Variants in HTR4 observed in about 807,000 individuals in gnomAD.
HTR4 encodes the protein 5-hydroxytryptamine receptor 4.
In HTR4, 16 loss-of-function variants were observed where a neutral mutation model predicts 36.8. The observed-to-expected ratio is 0.43, with a 90% CI of 0.29 to 0.66. HTR4 has a LOEUF of 0.66. Ranked by LOEUF, HTR4 falls within the 30% of genes least tolerant of loss-of-function variation. HTR4 has a pLI of 0.13. For missense variants in HTR4, 438 were observed against 490.9 expected (o/e 0.89, Z 1.02); for synonymous variants, 189 against 185.1 (o/e 1.02, Z -0.17).
At chr5:148,476,915 A>G (rs559214897), downstream of HTR4, among the ~76,000 whole-genome samples, 1 of 152,214 alleles carries the variant, frequency 6.6e-6, no homozygotes, top group Non-Finnish European at 1.5e-5. Flanking sequence ...TTTGAAATAC[A>G]CTATGTAAGA....
At chr5:148,547,562 A>AAAATAAACTAAAAT (rs1554094300) in intron 4 of HTR4, among the ~76,000 whole-genome samples, 1 of 138,922 alleles carries the variant, frequency 7.2e-6, no homozygotes, top group Non-Finnish European at 1.5e-5. Context: ...AAAATAAAAT[A>AAAATAAACTAAAAT]AAATAAATAA....
intron 5 of HTR4, among the ~76,000 whole-genome samples, chr5:148,512,609 G>A (rs1393655083): frequency 6.6e-6 from 1 of 152,098 alleles, no homozygotes; most frequent in African/African-American, 2.4e-5. Context: ...CTTGTATCTT[G>A]TTTATGAAAT....
downstream of HTR4, among the ~76,000 whole-genome samples, chr5:148,473,037 T>G (rs891326189): frequency 5.3e-5 from 8 of 152,134 alleles, no homozygotes; most frequent in Non-Finnish European, 1.0e-4. Context: ...CGGTGGCTTG[T>G]GCCTGTTATC....
exon 6 of HTR4, chr5:148,451,222 A>G: frequency 1.2e-6 from 2 of 1,613,950 alleles, no homozygotes; most frequent in Non-Finnish European, 1.7e-6. Flanking sequence ...GTCATTGTGT[A>G]TGGGCAGTTT....
chr5:148,544,275 CTTT>C (rs1561609087), intron 4 of HTR4, among the ~76,000 whole-genome samples: 1 of 150,862 alleles, frequency 6.6e-6, no homozygotes, highest in Non-Finnish European at 1.5e-5. Flanking sequence ...CTCTCTCTCT[CTTT>C]CTCTCTTTCT....
At chr5:148,574,111 C>G (rs969713008) in intron 2 of HTR4, among the ~76,000 whole-genome samples, 9 of 152,072 alleles carry the variant, frequency 5.9e-5, no homozygotes. Flanking sequence ...CACATTAACT[C>G]TCTCCCCAGC....
chr5:148,511,159 CCTT>C (rs1298940115), intron 5 of HTR4, among the ~76,000 whole-genome samples: 1 of 152,174 alleles, frequency 6.6e-6, no homozygotes, highest in Non-Finnish European at 1.5e-5. Context: ...AACCTTCCAT[CCTT>C]CTTCTTTTTT....
chr5:148,545,747 G>A (rs990366806), intron 4 of HTR4, among the ~76,000 whole-genome samples: 9 of 152,180 alleles, frequency 5.9e-5, no homozygotes, highest in Admixed American at 2.0e-4. Flanking sequence ...GGTTAGGAAG[G>A]GGGTGAAGGG....
chr5:148,620,981 G>A (rs4298245), intron 2 of HTR4, among the ~76,000 whole-genome samples: 151,644 of 152,358 alleles, frequency 1, 75,465 homozygotes, highest in East Asian at 1. Flanking sequence ...ACCTCCTCAC[G>A]TGTACACCCC....
At chr5:148,495,496 G>A (rs1254705431) in intron 6 of HTR4, among the ~76,000 whole-genome samples, 1 of 152,166 alleles carries the variant, frequency 6.6e-6, no homozygotes, top group Non-Finnish European at 1.5e-5. Flanking sequence ...TCATCCTCTT[G>A]TCAAGTCCTA....
At chr5:148,650,577 A>T (rs1014247044) in intron 1 of HTR4, among the ~76,000 whole-genome samples, 13 of 152,162 alleles carry the variant, frequency 8.5e-5, no homozygotes, top group East Asian at 1.9e-4. Flanking sequence ...GTTTTTTTTA[A>T]AAAAAATGGT....
intron 5 of HTR4, among the ~76,000 whole-genome samples, chr5:148,457,250 G>T (rs1273003903): frequency 6.6e-6 from 1 of 152,010 alleles, no homozygotes; most frequent in Non-Finnish European, 1.5e-5. Flanking sequence ...TAGATGAGTG[G>T]GTATACCTGG....
intron 5 of HTR4, among the ~76,000 whole-genome samples, chr5:148,461,692 C>A (rs921590905): frequency 7.2e-5 from 11 of 151,946 alleles, no homozygotes; most frequent in African/African-American, 2.7e-4. Context: ...ACTTCTCTAT[C>A]ATAAATGAAC....
At chr5:148,483,754 A>G (rs929794434) in intron 6 of HTR4, among the ~76,000 whole-genome samples, 4 of 152,170 alleles carry the variant, frequency 2.6e-5, no homozygotes, top group Non-Finnish European at 5.9e-5. Context: ...CCTGACTTAC[A>G]TCATGTGCTT....
chr5:148,590,573 G>T (rs1313401451), intron 2 of HTR4, among the ~76,000 whole-genome samples: 2 of 151,766 alleles, frequency 1.3e-5, no homozygotes, highest in Admixed American at 6.6e-5. Context: ...AATTTTTGGG[G>T]TATATCACTT....
At chr5:148,570,949 C>T (rs1450590423) in intron 2 of HTR4, among the ~76,000 whole-genome samples, 1 of 151,968 alleles carries the variant, frequency 6.6e-6, no homozygotes, top group African/African-American at 2.4e-5. Context: ...GTGGAAGTGG[C>T]ACCATCTCCT....
chr5:148,633,763 G>C (rs1753418404), intron 2 of HTR4, among the ~76,000 whole-genome samples: 1 of 152,078 alleles, frequency 6.6e-6, no homozygotes, highest in Admixed American at 6.6e-5. Context: ...TTATTTTATA[G>C]TAAAGAAATA....
chr5:148,572,829 T>G lies in HTR4; in HGVS notation c.27-22567A>C, dbSNP rs114029152. Among the ~76,000 whole-genome samples, 1,049 of 152,222 alleles carry G rather than the reference T, an allele frequency of 6.9e-3. 11 individuals are homozygous for G. The highest frequency in any genetic ancestry group is 0.024 in the African/African-American group (1,008 of 41,556). On this transcript the variant is annotated intron_variant, in intron 2 of 6. Transcript: ENST00000377888. The stretch of plus-strand genomic sequence containing the variant: ...TTCACTGTCCCTCACCCTCCTCATG[T>G]CAGAACATGACAGGCCACAGGCAGG...
At chr5:148,536,873 A>T (rs1028791657) in intron 4 of HTR4, among the ~76,000 whole-genome samples, 1 of 152,082 alleles carries the variant, frequency 6.6e-6, no homozygotes, top group Non-Finnish European at 1.5e-5. Flanking sequence ...TGAACTCAAC[A>T]TTGACCAAAT....
Sources: allele counts gnomAD v4.1 joint callset (sites outside exome capture counted in the v4.1 genomes callset), GRCh38; gene constraint gnomAD v4.1.1; transcripts MANE v1.5; gene names NCBI Gene and HGNC (gene_info 2026-07-23, HGNC 2026-07-21).